Variants in MON2 observed in about 807,000 individuals in gnomAD.
MON2 encodes protein MON2 homolog.
MON2 carries 84 observed loss-of-function variants against 208.6 expected under a neutral mutation model. The ratio of observed to expected loss-of-function variants is 0.40; its 90% CI spans 0.34 to 0.48. The LOEUF (loss-of-function observed/expected upper bound fraction) is 0.48, where lower values mean the gene tolerates loss of function less well. Among genes scored for constraint, MON2 ranks in the 20% least tolerant of loss-of-function variants. The pLI, the probability that MON2 is intolerant of heterozygous loss-of-function variation, is 0.59. For missense variants in MON2, 1,611 were observed against 2,015.4 expected (o/e 0.80, Z 3.84); for synonymous variants, 660 against 694.0 (o/e 0.95, Z 0.77).
intron 25 of MON2, 193 bp from the exon 26 acceptor site, chr12:62,560,298 A>C: frequency 1.9e-6 from 1 of 525,470 alleles, no homozygotes; most frequent in Non-Finnish European, 3.2e-6. Flanking sequence ...TATCTGAAAA[A>C]TTTTTTTACT....
At chr12:62,533,050 G>A (rs2072731854) in intron 12 of MON2, among the ~76,000 whole-genome samples, 1 of 152,148 alleles carries the variant, frequency 6.6e-6, no homozygotes, top group African/African-American at 2.4e-5. Flanking sequence ...GTTGAATTTA[G>A]TTGCCATGTC....
chr12:62,545,424 T>G (rs879114534), intron 21 of MON2, among the ~76,000 whole-genome samples: 9 of 152,082 alleles, frequency 5.9e-5, no homozygotes, highest in Admixed American at 5.9e-4. Context: ...TTTAAAATAA[T>G]TTTAAATTAT....
chr12:62,520,711 G>A (rs1425546092), intron 8 of MON2, among the ~76,000 whole-genome samples: 6 of 151,694 alleles, frequency 4.0e-5, no homozygotes, highest in African/African-American at 1.5e-4. Flanking sequence ...GATCACCTGA[G>A]GTCAGGAGTT....
At chr12:62,499,896 A>G (rs901807054) in intron 5 of MON2, among the ~76,000 whole-genome samples, 1 of 152,092 alleles carries the variant, frequency 6.6e-6, no homozygotes, top group African/African-American at 2.4e-5. Flanking sequence ...TTTTTTTAAA[A>G]TATTTTTATC....
intron 19 of MON2, among the ~76,000 whole-genome samples, chr12:62,538,790 AGG>A (rs1460040700): frequency 6.6e-6 from 1 of 152,020 alleles, no homozygotes; most frequent in Non-Finnish European, 1.5e-5. Context: ...ACAGTTTTAT[AGG>A]TTATATAAAA....
At chr12:62,579,245 GAAAA>G (rs994283894) in intron 31 of MON2, among the ~76,000 whole-genome samples, 1 of 142,732 alleles carries the variant, frequency 7.0e-6, no homozygotes, top group Non-Finnish European at 1.5e-5. Context: ...CCCTGTCTCT[GAAAA>G]AAAAAAGTAA....
intron 30 of MON2, among the ~76,000 whole-genome samples, chr12:62,573,058 A>G (rs1287726428): frequency 2.6e-5 from 4 of 152,226 alleles, no homozygotes; most frequent in South Asian, 4.1e-4. Context: ...ATTTAAAATA[A>G]TAACAGGTGA....
chr12:62,503,673 T>C (rs2070954201), intron 7 of MON2, among the ~76,000 whole-genome samples: 1 of 152,226 alleles, frequency 6.6e-6, no homozygotes, highest in Admixed American at 6.5e-5. Context: ...CTTTCCTCTC[T>C]TCTCTTTGCC....
intron 11 of MON2, among the ~76,000 whole-genome samples, chr12:62,529,602 A>C (rs2072519519): frequency 6.6e-6 from 1 of 152,178 alleles, no homozygotes; most frequent in Non-Finnish European, 1.5e-5. Flanking sequence ...TTTACAGTGT[A>C]CAATTCATGG....
At chr12:62,588,817 C>T (rs2075302568) in intron 34 of MON2, 2 of 1,270,440 alleles carry the variant, frequency 1.6e-6, no homozygotes, top group Non-Finnish European at 2.2e-6. Flanking sequence ...TCTCAATCTT[C>T]CCAAATTTTT....
chr12:62,573,822 C>A (rs2074685454), intron 30 of MON2, among the ~76,000 whole-genome samples: 1 of 151,922 alleles, frequency 6.6e-6, no homozygotes, highest in Non-Finnish European at 1.5e-5. Context: ...GACACTGGAA[C>A]CAAAGGCCAA....
At chr12:62,541,046 G>A (rs367717964) in intron 19 of MON2, among the ~76,000 whole-genome samples, 31 of 152,210 alleles carry the variant, frequency 2.0e-4, no homozygotes, top group East Asian at 7.7e-4. Context: ...TTTGATCCTC[G>A]TTGCAGGAAT....
chr12:62,546,202 C>T (rs2073475974), intron 21 of MON2, among the ~76,000 whole-genome samples: 1 of 151,970 alleles, frequency 6.6e-6, no homozygotes, highest in African/African-American at 2.4e-5. Flanking sequence ...ATATGATATA[C>T]ATTAATAAAG....
chr12:62,527,716 T>C (rs956373091), intron 11 of MON2, among the ~76,000 whole-genome samples: 2 of 151,974 alleles, frequency 1.3e-5, no homozygotes, highest in Non-Finnish European at 2.9e-5. Flanking sequence ...AGTGGTTAAT[T>C]TGAAGAAAAA....
chr12:62,563,252 C>A (rs2074261548), intron 26 of MON2, among the ~76,000 whole-genome samples: 1 of 152,160 alleles, frequency 6.6e-6, no homozygotes, highest in Non-Finnish European at 1.5e-5. Flanking sequence ...AAGTCTACAA[C>A]TTTTTGCTTG....
rs2075171149 is a variant in MON2 at position 62,585,107 on chromosome 12, AC to A, written c.4700-186del. On this transcript the variant is annotated intron_variant, in intron 32 of 34. Coordinates refer to ENST00000393630, the MANE Select transcript of MON2 (RefSeq NM_015026.3). ...CACACACACACACACACACACACAC[AC>A]ACAAAACAAAAAAAAACAAAAAAAA... Among the ~76,000 whole-genome samples, 83 of 50,046 alleles carry A rather than the reference AC, an allele frequency of 1.7e-3. 1 individual carries two copies. Among genetic ancestry groups the A allele is most frequent in the Admixed American group, 4.0e-3 (24 of 5,938 alleles). 32.8% of individuals were successfully genotyped at this position (50,046 alleles called of 152,430 possible). A position where few individuals can be genotyped will look rare whatever the true frequency, so the allele number is the denominator to read the frequency against.
intron 29 of MON2, 65 bp downstream of exon 29, chr12:62,566,515 GTAATACA>G: frequency 7.2e-7 from 1 of 1,391,922 alleles, no homozygotes; most frequent in Admixed American, 2.2e-5. Flanking sequence ...TATTCCTTAG[GTAATACA>G]TTATCATTAT....
intron 1 of MON2, among the ~76,000 whole-genome samples, chr12:62,475,899 T>C (rs1263956250): frequency 6.6e-6 from 1 of 151,716 alleles, no homozygotes; most frequent in African/African-American, 2.4e-5. Flanking sequence ...TAATCCCAGC[T>C]ACTCGGGAGG....
chr12:62,489,161 T>C (rs1392942986), intron 2 of MON2, among the ~76,000 whole-genome samples: 1 of 152,140 alleles, frequency 6.6e-6, no homozygotes, highest in Non-Finnish European at 1.5e-5. Flanking sequence ...GGTATGAATA[T>C]GTTTAAAATT....
Sources: allele counts gnomAD v4.1 joint callset (sites outside exome capture counted in the v4.1 genomes callset), GRCh38; gene constraint gnomAD v4.1.1; transcripts MANE v1.5; gene names NCBI Gene and HGNC (gene_info 2026-07-23, HGNC 2026-07-21).